PDE10A: variants seen among roughly 807,000 people sequenced by gnomAD.
The protein encoded by PDE10A is phosphodiesterase 10A.
In PDE10A, 39 loss-of-function variants were observed where a neutral mutation model predicts 97.7. That is an observed-to-expected ratio of 0.40 (90% CI 0.31 to 0.52). PDE10A has a LOEUF of 0.52. Ranked by LOEUF, PDE10A falls within the 20% of genes least tolerant of loss-of-function variation. PDE10A has a pLI of 0.56. For missense variants in PDE10A, 731 were observed against 1,047.8 expected (o/e 0.70, Z 4.17); for synonymous variants, 371 against 376.8 (o/e 0.98, Z 0.18).
At chr6:165,598,953 C>T (rs1031271336) in intron 1 of PDE10A, among the ~76,000 whole-genome samples, 3 of 152,112 alleles carry the variant, frequency 2.0e-5, no homozygotes, top group Non-Finnish European at 4.4e-5. Flanking sequence ...TCTCTTTTCT[C>T]TTTTCTACCC....
intron 1 of PDE10A, among the ~76,000 whole-genome samples, chr6:165,626,000 AAG>A (rs989198801): frequency 6.6e-4 from 101 of 152,312 alleles, no homozygotes; most frequent in African/African-American, 2.3e-3. Flanking sequence ...TAAGTGGGCG[AAG>A]AGAGAGGTTG....
At chr6:165,879,872 C>G (rs530177465) in intron 1 of PDE10A, among the ~76,000 whole-genome samples, 1 of 148,166 alleles carries the variant, frequency 6.7e-6, no homozygotes, top group Non-Finnish European at 1.5e-5. Flanking sequence ...AGGGGCCAAC[C>G]GTGTCTCCAA....
intron 1 of PDE10A, among the ~76,000 whole-genome samples, chr6:165,618,974 G>GTAGTA (rs1491584076): frequency 5.1e-5 from 6 of 118,522 alleles, no homozygotes; most frequent in Non-Finnish European, 8.2e-5. Context: ...CTAGTGTAGT[G>GTAGTA]TAGTCTAGTG....
At chr6:165,429,303 T>C (rs1052937637) in intron 9 of PDE10A, among the ~76,000 whole-genome samples, 3 of 151,946 alleles carry the variant, frequency 2.0e-5, no homozygotes, top group Non-Finnish European at 4.4e-5. Context: ...AAAATGTCAA[T>C]CTGAAAAAAG....
chr6:165,984,846 T>C (rs1360571756), intron 1 of PDE10A, among the ~76,000 whole-genome samples: 1 of 152,262 alleles, frequency 6.6e-6, no homozygotes. Context: ...CCTTCCAGTG[T>C]AACCAAAATG....
intron 10 of PDE10A, among the ~76,000 whole-genome samples, chr6:165,419,038 A>G (rs1223099730): frequency 6.6e-6 from 1 of 152,200 alleles, no homozygotes; most frequent in African/African-American, 2.4e-5. Flanking sequence ...AGGGAAGCAT[A>G]TCAGTCGTGT....
At chr6:165,970,733 T>G (rs973810806) in intron 1 of PDE10A, among the ~76,000 whole-genome samples, 3 of 152,206 alleles carry the variant, frequency 2.0e-5, no homozygotes, top group Non-Finnish European at 4.4e-5. Context: ...TTTTGAATTT[T>G]TGCCAATTGC....
chr6:165,845,263 T>C (rs1167221641), intron 1 of PDE10A, among the ~76,000 whole-genome samples: 1 of 152,202 alleles, frequency 6.6e-6, no homozygotes, highest in Non-Finnish European at 1.5e-5. Flanking sequence ...GAGTCACAGA[T>C]TTAAAATTCA....
Position 165,787,756 on chromosome 6 carries a change from A to G in PDE10A, c.-615+199773T>C, listed in dbSNP as rs183308211. 2.2e-4 allele frequency among the ~76,000 whole-genome samples: 34 copies of G among 152,294 alleles called. No individual in the cohort carries two copies. In the East Asian group the frequency reaches 5.6e-3, roughly 25 times the overall value. On this transcript the variant is annotated intron_variant, in intron 1 of 19. Transcript: ENST00000366882. ...ACCTGCAGGTATCCTATTTGGAGAG[A>G]AGGTTTATTAATCAGAAGAGCGGCT... is the stretch of plus-strand genomic sequence containing the variant.
chr6:165,980,130 C>A (rs1464647072), intron 1 of PDE10A, among the ~76,000 whole-genome samples: 1 of 152,230 alleles, frequency 6.6e-6, no homozygotes, highest in Non-Finnish European at 1.5e-5. Context: ...ACAGCTGGGA[C>A]TTTCTACATT....
At chr6:165,442,191 G>C (rs1053874225) in intron 5 of PDE10A, among the ~76,000 whole-genome samples, 2 of 152,006 alleles carry the variant, frequency 1.3e-5, no homozygotes, top group African/African-American at 4.8e-5. Context: ...TGTGCACAAC[G>C]TGCAGGTTAG....
At chr6:165,696,749 C>T (rs981092599) in intron 1 of PDE10A, among the ~76,000 whole-genome samples, 7 of 152,024 alleles carry the variant, frequency 4.6e-5, no homozygotes, top group African/African-American at 1.7e-4. Context: ...TCAAACTAGT[C>T]GTTGTAAATA....
At chr6:165,611,503 C>T (rs566973243) in intron 1 of PDE10A, among the ~76,000 whole-genome samples, 2 of 152,324 alleles carry the variant, frequency 1.3e-5, no homozygotes, top group African/African-American at 2.4e-5. Flanking sequence ...CCTTCCAAAA[C>T]GGCACAAGAT....
At chr6:165,372,826 G>C (rs187359009) in intron 18 of PDE10A, among the ~76,000 whole-genome samples, 29,531 of 145,106 alleles carry the variant, frequency 0.2, 3,190 homozygotes, top group African/African-American at 0.24. Flanking sequence ...TGACTTCAAA[G>C]TATACTACAA....
intron 1 of PDE10A, among the ~76,000 whole-genome samples, chr6:165,916,086 G>A (rs891974709): frequency 2.6e-5 from 4 of 152,212 alleles, no homozygotes; most frequent in Non-Finnish European, 4.4e-5. Context: ...GGCACAAAGT[G>A]GCCGTGTTAA....
At chr6:165,648,310 C>T (rs539695856) in intron 1 of PDE10A, among the ~76,000 whole-genome samples, 2 of 152,256 alleles carry the variant, frequency 1.3e-5, no homozygotes, top group South Asian at 2.1e-4. Context: ...CCACGCCCGG[C>T]CTTACATATG....
intron 12 of PDE10A, among the ~76,000 whole-genome samples, chr6:165,414,169 T>A (rs922397078): frequency 1.3e-5 from 2 of 152,214 alleles, no homozygotes; most frequent in Non-Finnish European, 2.9e-5. Flanking sequence ...AGCCCTCTCC[T>A]GTTTATAAGT....
At chr6:165,922,312 A>T (rs768756388) in intron 1 of PDE10A, among the ~76,000 whole-genome samples, 1 of 152,168 alleles carries the variant, frequency 6.6e-6, no homozygotes, top group Non-Finnish European at 1.5e-5. Flanking sequence ...TTGGCGGCAC[A>T]CAGAGTCTAA....
chr6:165,370,235 C>T (rs1216232161), intron 18 of PDE10A, among the ~76,000 whole-genome samples: 1 of 150,890 alleles, frequency 6.6e-6, no homozygotes, highest in African/African-American at 2.4e-5. Context: ...ACAATATTAA[C>T]TTTAAATGTA....
Sources: allele counts gnomAD v4.1 joint callset (sites outside exome capture counted in the v4.1 genomes callset), GRCh38; gene constraint gnomAD v4.1.1; transcripts MANE v1.5; gene names NCBI Gene and HGNC (gene_info 2026-07-23, HGNC 2026-07-21).